LRRK1: variants seen among roughly 807,000 people sequenced by gnomAD.
LRRK1 encodes the protein leucine-rich repeat serine/threonine-protein kinase 1.
LRRK1 carries 113 observed loss-of-function variants against 209.1 expected under a neutral mutation model. That is an observed-to-expected ratio of 0.54 (90% CI 0.46 to 0.63). The LOEUF (loss-of-function observed/expected upper bound fraction) is 0.63. Among genes scored for constraint, LRRK1 ranks in the 30% least tolerant of loss-of-function variants. The probability of loss-of-function intolerance (pLI) is 0.00; values close to 1 mark genes in which losing one functional copy is unlikely to be tolerated. For synonymous variants in LRRK1, 1,144 were observed against 1,099.7 expected (o/e 1.04, Z -0.80); for missense variants, 2,284 against 2,632.2 (o/e 0.87, Z 2.89).
intron 2 of LRRK1, among the ~76,000 whole-genome samples, chr15:100,930,879 G>A (rs1051963655): frequency 6.6e-6 from 1 of 152,210 alleles, no homozygotes; most frequent in Non-Finnish European, 1.5e-5. Flanking sequence ...CACTCCCAAT[G>A]CCATGTAAGT....
intron 12 of LRRK1, among the ~76,000 whole-genome samples, chr15:101,018,178 TAAAAA>T (rs34360209): frequency 7.9e-6 from 1 of 126,610 alleles, no homozygotes; most frequent in Non-Finnish European, 1.7e-5. Context: ...CAAATTGATT[TAAAAA>T]AAAAAAAAAA....
chr15:101,053,243 C>A lies in LRRK1; in HGVS notation c.3877C>A (p.Arg1293=), dbSNP rs367837232. 1 of 1,606,084 alleles carries A rather than the reference C, an allele frequency of 6.2e-7. No homozygotes were observed. Among genetic ancestry groups the A allele is most frequent in the African/African-American group, 1.3e-5 (1 of 74,942 alleles). ...GGCAGACACCATGCTGAGGCACCTG[C>A]GGGCCACCGATGCCATGAAGAACTT... The part of the protein sequence containing the change: ...VPADTMLRHL[R]ATDAMKNFSE... Residue 1293 remains arginine (R), a synonymous_variant, in exon 26 of 34, where the codon CGG becomes AGG. Coordinates refer to ENST00000388948, the MANE Select transcript of LRRK1 (RefSeq NM_024652.6).
At chr15:100,959,327 C>A (rs995701979) in intron 2 of LRRK1, among the ~76,000 whole-genome samples, 1 of 152,160 alleles carries the variant, frequency 6.6e-6, no homozygotes, top group Non-Finnish European at 1.5e-5. Context: ...ACCCAGCCTG[C>A]GGGCAGCCCT....
intron 12 of LRRK1, 140 bp downstream of exon 12, chr15:101,015,542 A>G: frequency 1.5e-6 from 1 of 649,524 alleles, no homozygotes; most frequent in South Asian, 1.9e-5. Context: ...GTCCAAGTTC[A>G]AATGAAAACC....
chr15:100,996,554 A>G (rs990175852), intron 6 of LRRK1, among the ~76,000 whole-genome samples: 4 of 152,090 alleles, frequency 2.6e-5, no homozygotes, highest in Admixed American at 1.3e-4. Flanking sequence ...ACACATGCCC[A>G]TTTTCTCCAG....
Position 101,053,384 on chromosome 15 carries a change from A to T in LRRK1, c.4018A>T (p.Ser1340Cys), listed in dbSNP as rs1424097791. ...LCFALELAPL[S>C]SLNTVLSENA... ...CTTCGCCCTGGAGCTCGCGCCGCTC[A>T]GCAGCCTCAACACCGTGCTGTCCGA... The change falls in exon 26 of 34, where the codon AGC becomes TGC. Residue 1340 changes from serine to cysteine, a missense_variant. Physicochemically the swap from Ser to Cys is moderately radical, Grantham distance 112 (BLOSUM62 -1). Around this residue, in one of 6 missense-constraint regions of LRRK1, gnomAD observed 780 missense variants for 985.2 expected, o/e 0.79. Transcript: ENST00000388948. 6.3e-7 allele frequency: 1 copy of T among 1,599,894 alleles called. No individual in the cohort carries two copies. The highest frequency in any genetic ancestry group is 8.5e-7 in the Non-Finnish European group (1 of 1,179,550).
intron 20 of LRRK1, 60 bp downstream of exon 20, chr15:101,029,292 G>A: frequency 6.6e-7 from 1 of 1,504,226 alleles, no homozygotes; most frequent in East Asian, 2.3e-5. Flanking sequence ...AGGGAGTTGG[G>A]GTCTGGAGCC....
chr15:101,000,995 C>T (rs996863571), intron 6 of LRRK1, among the ~76,000 whole-genome samples: 1 of 152,130 alleles, frequency 6.6e-6, no homozygotes, highest in Non-Finnish European at 1.5e-5. Flanking sequence ...CTCATCCTCC[C>T]GTTTTCAATG....
intron 2 of LRRK1, among the ~76,000 whole-genome samples, chr15:100,946,324 G>A (rs746533229): frequency 4.9e-4 from 74 of 152,184 alleles, no homozygotes; most frequent in Admixed American, 1.8e-3. Context: ...GAGAGGAGGG[G>A]AGGAGATTAG....
At chr15:100,945,605 T>C (rs544016975) in intron 2 of LRRK1, among the ~76,000 whole-genome samples, 1 of 146,360 alleles carries the variant, frequency 6.8e-6, no homozygotes, top group Admixed American at 7.1e-5. Flanking sequence ...ATGATTATCC[T>C]GCCTCAGCCT....
chr15:100,983,480 GT>G, intron 3 of LRRK1, 47 bp from the exon 4 acceptor site: 1 of 1,512,218 alleles, frequency 6.6e-7, no homozygotes, highest in Non-Finnish European at 8.9e-7. Context: ...TGTCTTGGCA[GT>G]TCCTAATAGA....
At chr15:100,948,100 T>C (rs72765027) in intron 2 of LRRK1, among the ~76,000 whole-genome samples, 27,031 of 152,244 alleles carry the variant, frequency 0.18, 2,568 homozygotes, top group African/African-American at 0.22. Context: ...ATACAGTCTC[T>C]GTCATCAATC....
chr15:100,947,389 A>C (rs375088788), intron 2 of LRRK1, among the ~76,000 whole-genome samples: 4 of 152,338 alleles, frequency 2.6e-5, no homozygotes, highest in African/African-American at 9.6e-5. Context: ...ATGAAAACCA[A>C]TTATGAGATA....
At chr15:101,053,690 G>C (rs2141137844) in intron 26 of LRRK1, among the ~76,000 whole-genome samples, 1 of 152,378 alleles carries the variant, frequency 6.6e-6, no homozygotes, top group Admixed American at 6.5e-5. Context: ...GAGTTTATTT[G>C]CCTGTAAAAG....
chr15:100,965,741 T>C (rs2030409355), intron 2 of LRRK1, among the ~76,000 whole-genome samples: 2 of 152,186 alleles, frequency 1.3e-5, no homozygotes, highest in African/African-American at 2.4e-5. Flanking sequence ...ATCCTTCTCC[T>C]CCTTTACTTC....
At chr15:101,053,136 C>G in intron 25 of LRRK1, 48 bp downstream of exon 25, 1 of 1,588,736 alleles carries the variant, frequency 6.3e-7, no homozygotes, top group Non-Finnish European at 8.6e-7. Flanking sequence ...ATATGCTGCC[C>G]GGGTCTAAGC....
chr15:100,924,372 C>T, intron 1 of LRRK1, 139 bp from the exon 2 acceptor site: 1 of 480,770 alleles, frequency 2.1e-6, no homozygotes, highest in South Asian at 2.4e-5. Context: ...ACTGACCACA[C>T]CTGATGGGTT....
At chr15:101,023,508 GA>G (rs1307991640) in intron 15 of LRRK1, among the ~76,000 whole-genome samples, 1 of 152,152 alleles carries the variant, frequency 6.6e-6, no homozygotes. Context: ...TGAGCTCGGG[GA>G]ACGAACACAC....
chr15:101,067,168 C>T (rs1010729855), intron 33 of LRRK1: 5 of 436,010 alleles, frequency 1.1e-5, no homozygotes, highest in Middle Eastern at 3.4e-4. Flanking sequence ...ATCTCCAAGC[C>T]TGGGGTCTCA....
Sources: allele counts gnomAD v4.1 joint callset (sites outside exome capture counted in the v4.1 genomes callset), GRCh38; gene constraint gnomAD v4.1.1; regional missense constraint gnomAD v4.1.1; transcripts MANE v1.5; gene names NCBI Gene and HGNC (gene_info 2026-07-23, HGNC 2026-07-21).